The following PLXNA4 variants were observed in gnomAD, a reference collection of about 807,000 sequenced individuals.
PLXNA4 encodes the protein plexin A4, also known as plexin-A4.
Under a neutral mutation model 191.8 loss-of-function variants are expected in PLXNA4, and 44 were observed. That is an observed-to-expected ratio of 0.23 (90% CI 0.18 to 0.29). The LOEUF is 0.29. Among genes scored for constraint, PLXNA4 ranks in the 10% least tolerant of loss-of-function variants. The pLI is 1.00. For synonymous variants in PLXNA4, 1,082 were observed against 1,009.5 expected, an observed-to-expected ratio of 1.07 and a Z score of -1.36; for missense variants, 1,800 against 2,488.8, an observed-to-expected ratio of 0.72 and a Z score of 5.89.
At chr7:132,379,133 G>A (rs1804785122) in intron 3 of PLXNA4, among the ~76,000 whole-genome samples, 1 of 152,178 alleles carries the variant, frequency 6.6e-6, no homozygotes, top group Non-Finnish European at 1.5e-5. Context: ...TTACAGGCAT[G>A]AGCAACCGTG....
chr7:132,168,414 G>C lies in PLXNA4; in HGVS notation c.4176C>G (p.Thr1392=). 6.2e-7 allele frequency: 1 copy of C among 1,613,940 alleles called. No individual in the cohort carries two copies. Among genetic ancestry groups the C allele is most frequent in the Non-Finnish European group, 8.5e-7 (1 of 1,179,864 alleles). ...DRGNVASLIM[T]VLQSKLEYAT... ...CGTACTCCAGCTTGCTCTGCAGCAC[G>C]GTCATGATGAGTGAGGCCACGTTGC... Residue 1392 remains threonine, a synonymous_variant, in exon 22 of 32, where the codon ACC becomes ACG. Transcript: ENST00000321063.
chr7:132,190,825 AG>A (rs1360122405), intron 14 of PLXNA4, among the ~76,000 whole-genome samples: 1 of 152,164 alleles, frequency 6.6e-6, no homozygotes, highest in Non-Finnish European at 1.5e-5. Flanking sequence ...TGGCAGGCCA[AG>A]GCAAGTGGCT....
intron 3 of PLXNA4, among the ~76,000 whole-genome samples, chr7:132,302,118 G>A (rs1801330605): frequency 1.3e-5 from 2 of 152,198 alleles, no homozygotes; most frequent in African/African-American, 4.8e-5. Context: ...TTTGGCCATG[G>A]AGAGAGAGAA....
chr7:132,333,684 G>T (rs987774748), intron 3 of PLXNA4, among the ~76,000 whole-genome samples: 3 of 152,202 alleles, frequency 2.0e-5, no homozygotes, highest in South Asian at 2.1e-4. Context: ...GAGAGGCAAG[G>T]CTTGGGGCAC....
At chr7:132,498,689 G>T (rs1248239893) in intron 2 of PLXNA4, among the ~76,000 whole-genome samples, 1 of 152,142 alleles carries the variant, frequency 6.6e-6, no homozygotes, top group African/African-American at 2.4e-5. Context: ...GACTTGGAAA[G>T]CATCTCCCAA....
At chr7:132,616,252 A>G (rs1210789977) in intron 2 of PLXNA4, among the ~76,000 whole-genome samples, 2 of 152,192 alleles carry the variant, frequency 1.3e-5, no homozygotes, top group East Asian at 3.9e-4. Flanking sequence ...TGCTGGCTGC[A>G]GGCAAGAGAG....
intron 3 of PLXNA4, among the ~76,000 whole-genome samples, chr7:132,394,693 C>T (rs1454207288): frequency 6.6e-6 from 1 of 152,202 alleles, no homozygotes; most frequent in Admixed American, 6.5e-5. Flanking sequence ...AATGTGAGGC[C>T]AGGGCCATGA....
chr7:132,163,792 A>G (rs1796018304), intron 24 of PLXNA4, among the ~76,000 whole-genome samples: 1 of 152,198 alleles, frequency 6.6e-6, no homozygotes, highest in South Asian at 2.1e-4. Context: ...CTCTGCCTGC[A>G]CGGACCTCTT....
intron 2 of PLXNA4, among the ~76,000 whole-genome samples, chr7:132,628,667 G>A (rs1803432277): frequency 6.6e-6 from 1 of 151,068 alleles, no homozygotes; most frequent in Non-Finnish European, 1.5e-5. Context: ...AGGTTAATTT[G>A]ATCTAATTTC....
At position 132,159,607 on chromosome 7, in the gene PLXNA4, T is replaced by C. The variant is rs760002443; in HGVS notation, c.4526A>G (p.Asn1509Ser). 1.2e-6 allele frequency: 2 copies of C among 1,614,044 alleles called. No homozygotes were observed. The highest frequency in any genetic ancestry group is 2.2e-5 in the East Asian group (1 of 44,852). Reference protein sequence around the residue: ...TLVLSCVSPDNANSPEVPVKI... With the variant: ...TLVLSCVSPDSANSPEVPVKI... ...TACTGGGACCTCGGGGCTGTTGGCATTGTCTGGGCTGACACAGCTCAGGAC... is the reference window on the plus strand; with the variant it reads ...TACTGGGACCTCGGGGCTGTTGGCACTGTCTGGGCTGACACAGCTCAGGAC... The change falls in exon 25 of 32, where the codon AAT becomes AGT. Residue 1509 changes from asparagine to serine, a missense_variant. Physicochemically the swap from Asn to Ser is conservative, Grantham distance 46 (BLOSUM62 1). Coordinates refer to ENST00000321063, the MANE Select transcript of PLXNA4 (RefSeq NM_020911.2).
chr7:132,437,569 GAAA>G lies in PLXNA4; in HGVS notation c.1371+51720_1371+51722del, dbSNP rs58252362. Among the ~76,000 whole-genome samples, 85 of 138,348 alleles carry G rather than the reference GAAA, an allele frequency of 6.1e-4. 1 individual carries two copies. Among genetic ancestry groups the G allele is most frequent in the Middle Eastern group, 3.8e-3 (1 of 262 alleles). The allele number at this position is 138,348 out of a possible 152,430, so 90.8% of individuals were successfully genotyped here. ...GAGAGCTGCATCTGAGGAAAAAAAA[GAAA>G]AAAAAAAAAAAAACAGAAAAAGCCA... On this transcript the variant is annotated intron_variant, in intron 3 of 31. Transcript: ENST00000321063.
chr7:132,302,366 G>A (rs1459777152), intron 3 of PLXNA4, among the ~76,000 whole-genome samples: 1 of 152,164 alleles, frequency 6.6e-6, no homozygotes, highest in Non-Finnish European at 1.5e-5. Context: ...GGGACCATGA[G>A]TCTCCCAAGG....
At chr7:132,211,265 C>T in intron 9 of PLXNA4, 122 bp from the exon 10 acceptor site, 3 of 1,049,502 alleles carry the variant, frequency 2.9e-6, no homozygotes, top group Non-Finnish European at 4.1e-6. Context: ...ACAGGCGACC[C>T]CTGAGGTGCT....
intron 31 of PLXNA4, among the ~76,000 whole-genome samples, chr7:132,132,405 C>CTGTTCTGTTCTGT (rs1794960276): frequency 9.7e-5 from 3 of 30,804 alleles, no homozygotes; most frequent in African/African-American, 4.7e-4. Flanking sequence ...CTGTTCTGTT[C>CTGTTCTGTTCTGT]TGTTCTGTTC....
chr7:132,172,563 TC>T (rs1796321243), intron 21 of PLXNA4, among the ~76,000 whole-genome samples: 1 of 141,030 alleles, frequency 7.1e-6, no homozygotes, highest in Non-Finnish European at 1.5e-5. Flanking sequence ...GAGAAACTAC[TC>T]CAGGGGCAAG....
chr7:132,364,222 C>T (rs1054196378), intron 3 of PLXNA4, among the ~76,000 whole-genome samples: 3 of 152,196 alleles, frequency 2.0e-5, no homozygotes, highest in African/African-American at 7.2e-5. Context: ...GGAAGCCATT[C>T]ACATTTTGGT....
chr7:132,132,916 G>T, intron 31 of PLXNA4, 133 bp downstream of exon 31: 1 of 1,310,496 alleles, frequency 7.6e-7, no homozygotes, highest in Non-Finnish European at 1.0e-6. Context: ...CACAGCCCCA[G>T]GTCCTCAGTG....
chr7:132,301,626 A>C (rs1801309674), intron 3 of PLXNA4, among the ~76,000 whole-genome samples: 1 of 152,184 alleles, frequency 6.6e-6, no homozygotes, highest in Admixed American at 6.5e-5. Context: ...TGAATCCGGC[A>C]CTATTGTTTA....
intron 3 of PLXNA4, among the ~76,000 whole-genome samples, chr7:132,382,670 T>G (rs1057257799): frequency 1.3e-5 from 2 of 152,218 alleles, no homozygotes; most frequent in African/African-American, 4.8e-5. Context: ...CAATAATTGT[T>G]ATCGCTATCA....
Sources: allele counts gnomAD v4.1 joint callset (sites outside exome capture counted in the v4.1 genomes callset), GRCh38; gene constraint gnomAD v4.1.1; transcripts MANE v1.5; gene names NCBI Gene and HGNC (gene_info 2026-07-23, HGNC 2026-07-21).